Variants in IQSEC2 observed in about 807,000 individuals in gnomAD.
IQSEC2 encodes IQ motif and Sec7 domain ArfGEF 2.
IQSEC2 carries 6 observed loss-of-function variants against 74.6 expected under a neutral mutation model. That is an observed-to-expected ratio of 0.08 (90% CI 0.04 to 0.16). IQSEC2 has a LOEUF of 0.16. Among genes scored for constraint, IQSEC2 ranks in the 10% least tolerant of loss-of-function variants. The probability of loss-of-function intolerance (pLI) is 1.00; values close to 1 mark genes in which losing one functional copy is unlikely to be tolerated. For synonymous variants in IQSEC2, 494 were observed against 544.5 expected, an observed-to-expected ratio of 0.91 and a Z score of 1.29; for missense variants, 734 against 1,306.2, an observed-to-expected ratio of 0.56 and a Z score of 6.75.
At chrX:53,289,468 C>T (rs1217140385) in intron 2 of IQSEC2, among the ~76,000 whole-genome samples, 2 of 111,343 alleles carry the variant, frequency 1.8e-5, no homozygotes, top group African/African-American at 6.5e-5. Context: ...TAAACCCACC[C>T]CCCTCGCTTC....
At chrX:53,302,984 C>T (rs1022243953) in intron 1 of IQSEC2, among the ~76,000 whole-genome samples, 1 of 111,367 alleles carries the variant, frequency 9.0e-6, no homozygotes, top group South Asian at 3.8e-4. Context: ...GGGAAGACTG[C>T]CTCAGCCCAA....
chrX:53,315,283 C>T (rs782019200), intron 1 of IQSEC2, among the ~76,000 whole-genome samples: 6 of 111,726 alleles, frequency 5.4e-5, no homozygotes, highest in African/African-American at 9.8e-5. Flanking sequence ...CCCAGCTACT[C>T]GGGAAGCTGA....
At chrX:53,244,483 A>T (rs946039497) in intron 8 of IQSEC2, among the ~76,000 whole-genome samples, 1 of 101,764 alleles carries the variant, frequency 9.8e-6, no homozygotes, top group Admixed American at 1.1e-4. Flanking sequence ...CCATGATTGC[A>T]CCACTGCACT....
chrX:53,284,880 G>A (rs1206257603), intron 2 of IQSEC2, among the ~76,000 whole-genome samples: 2 of 111,346 alleles, frequency 1.8e-5, no homozygotes, highest in Non-Finnish European at 3.8e-5. Context: ...AGGCTCCCAG[G>A]CCCACAATTG....
chrX:53,242,860 T>C (rs956362500), intron 9 of IQSEC2, among the ~76,000 whole-genome samples: 1 of 111,745 alleles, frequency 8.9e-6, no homozygotes, highest in African/African-American at 3.3e-5. Context: ...CTCAGCCTCC[T>C]GAGTAGCTGG....
At chrX:53,244,782 C>T (rs782064681) in intron 8 of IQSEC2, among the ~76,000 whole-genome samples, 9 of 111,328 alleles carry the variant, frequency 8.1e-5, no homozygotes, top group East Asian at 2.8e-4. Flanking sequence ...AAGATTAGAA[C>T]GCACCAAAAC....
chrX:53,313,480 A>G, intron 1 of IQSEC2, among the ~76,000 whole-genome samples: 1 of 111,743 alleles, frequency 8.9e-6, no homozygotes, highest in Non-Finnish European at 1.9e-5. Flanking sequence ...GCAGGCTTGG[A>G]GAGAAACCAA....
At chrX:53,300,281 A>G (rs1414873621) in intron 1 of IQSEC2, among the ~76,000 whole-genome samples, 1 of 111,612 alleles carries the variant, frequency 9.0e-6, no homozygotes, top group Non-Finnish European at 1.9e-5. Context: ...AAATAAGTTT[A>G]TCCAACTCAT....
At position 53,250,767 on chromosome X, in the gene IQSEC2, G is replaced by A. The variant is rs1602283885; in HGVS notation, c.1809C>T (p.Ser603=). 1.6e-5 allele frequency: 19 copies of A among 1,210,530 alleles called. No individual in the cohort carries two copies. The highest frequency in any genetic ancestry group is 1.9e-5 in the Non-Finnish European group (17 of 894,793). The change falls in exon 5 of 15, where the codon TCC becomes TCT. Residue 603 remains serine, a synonymous_variant. Transcript: ENST00000642864. ...GATCTGAGCGGTCACTCAGGTCCAC[G>A]GAGCTGTCACTAGGAGGCTCAATGG... ...LLTIEPPSDS[S]VDLSDRSDRG... is the part of the protein sequence containing the mutation.
chrX:53,281,727 C>T lies in IQSEC2; in HGVS notation c.737+10168G>A, dbSNP rs925555401. 1.3e-5 allele frequency: 5 copies of T among 391,680 alleles called. No individual in the cohort carries two copies. The Admixed American group carries it at 1.5e-4, about 12-fold the overall frequency. 32.3% of individuals were successfully genotyped at this position (391,680 alleles called of 1,213,427 possible). A position where few individuals can be genotyped will look rare whatever the true frequency, so the allele number is the denominator to read the frequency against. On this transcript the variant is annotated intron_variant, in intron 2 of 14. Coordinates refer to ENST00000642864, the MANE Select transcript of IQSEC2 (RefSeq NM_001111125.3). ...GCTGGGAACTCCTCCTCCGAGGAAG[C>T]GGCCTGGAGAGCTCACAGTCCCTCC...
Position 53,243,417 on chromosome X carries a change from C to T in IQSEC2, c.2804G>A (p.Arg935His), listed in dbSNP as rs2074255042. 8.5e-7 allele frequency: 1 copy of T among 1,170,831 alleles called. No individual in the cohort carries two copies. Among genetic ancestry groups the T allele is most frequent in the Non-Finnish European group, 1.1e-6 (1 of 874,607 alleles). Residue 935 changes from arginine to histidine, a missense_variant, in exon 9 of 15, where the codon CGC (arginine) becomes CAC (histidine). Arg to His is a conservative substitution (Grantham distance 29, BLOSUM62 0). This residue lies in a region of IQSEC2 where 249 missense variants were observed against 467.9 expected (regional missense o/e 0.53). Transcript: ENST00000642864. ...PRDLLVGIYQ[R>H]IQGRELRTND... Reference sequence around the variant, plus strand: ...GGTCCGCAGTTCACGCCCCTGGATGCGCTGGTAGATGCCCACCAGGAGGTC... The same window carrying T: ...GGTCCGCAGTTCACGCCCCTGGATGTGCTGGTAGATGCCCACCAGGAGGTC...
At chrX:53,318,184 C>T (rs1211625660) in intron 1 of IQSEC2, among the ~76,000 whole-genome samples, 1 of 111,977 alleles carries the variant, frequency 8.9e-6, no homozygotes, top group Admixed American at 9.4e-5. Context: ...CTCAGTTTCC[C>T]CATCTCTAAA....
chrX:53,228,713 C>T (rs1025869076), downstream of IQSEC2: 10 of 112,014 alleles, frequency 8.9e-5, no homozygotes, highest in Admixed American at 2.8e-4. Context: ...GAATCCATCC[C>T]CTCCTCCTTG....
At chrX:53,316,751 C>T (rs1556879172) in intron 1 of IQSEC2, among the ~76,000 whole-genome samples, 1 of 107,769 alleles carries the variant, frequency 9.3e-6, no homozygotes. Flanking sequence ...CCTGAACTCA[C>T]TTGAGTAAGC....
In IQSEC2 at chrX:53,241,818, T is replaced by C; in HGVS notation, c.2981A>G (p.Gln994Arg). The C allele has an allele frequency of 1.7e-6, 2 of 1,211,689 alleles. No individual in the cohort carries two copies. Among genetic ancestry groups the C allele is most frequent in the Non-Finnish European group, 1.1e-6 (1 of 895,430 alleles). Reference sequence around the variant, plus strand: ...ATCATTGAAGAGGAAGACCTCCCGCTGATGCAACCCTAGCCTCTGGGGGCG... The same window carrying C: ...ATCATTGAAGAGGAAGACCTCCCGCCGATGCAACCCTAGCCTCTGGGGGCG... ...PNRPQRLGLH[Q>R]REVFLFNDLL... Residue 994 changes from glutamine to arginine, a missense_variant, in exon 10 of 15, where the codon CAG (glutamine) becomes CGG (arginine). By Grantham distance (43) the Gln-to-Arg change is conservative. Coordinates refer to ENST00000642864, the MANE Select transcript of IQSEC2 (RefSeq NM_001111125.3).
At chrX:53,288,149 C>G (rs2075051898) in intron 2 of IQSEC2, among the ~76,000 whole-genome samples, 1 of 111,735 alleles carries the variant, frequency 8.9e-6, no homozygotes, top group African/African-American at 3.3e-5. Flanking sequence ...CTGGATGGCT[C>G]TGGGGATGGG....
chrX:53,294,171 C>A (rs1227515504), intron 1 of IQSEC2, among the ~76,000 whole-genome samples: 1 of 112,264 alleles, frequency 8.9e-6, no homozygotes, highest in East Asian at 2.8e-4. Context: ...AGAAATATAT[C>A]TCTGCTCCAA....
At chrX:53,261,441 G>A (rs1185418930) in intron 2 of IQSEC2, among the ~76,000 whole-genome samples, 1 of 109,714 alleles carries the variant, frequency 9.1e-6, no homozygotes, top group African/African-American at 3.3e-5. Context: ...AACGGTCTGG[G>A]AGCACCCCCT....
At chrX:53,259,718 T>C (rs1343519714) in intron 2 of IQSEC2, among the ~76,000 whole-genome samples, 2 of 111,300 alleles carry the variant, frequency 1.8e-5, no homozygotes, top group African/African-American at 6.5e-5. Flanking sequence ...GAAAATCGCT[T>C]GAGCCCAGGA....
Sources: gnomAD v4.1 joint callset for allele counts (sites outside exome capture counted in the v4.1 genomes callset) on GRCh38, gnomAD v4.1.1 for gene constraint, gnomAD v4.1.1 regional missense constraint, MANE v1.5 for transcripts, NCBI Gene and HGNC (gene_info 2026-07-23, HGNC 2026-07-21) for gene names.